The following HIVEP2 variants were observed in gnomAD, a reference collection of about 807,000 sequenced individuals.
The protein encoded by HIVEP2 is HIVEP zinc finger 2.
Under a neutral mutation model 180.7 loss-of-function variants are expected in HIVEP2, and 14 were observed. The observed-to-expected ratio is 0.08, with a 90% CI of 0.05 to 0.12. The LOEUF is 0.12. Ranked by LOEUF, HIVEP2 falls within the 10% of genes least tolerant of loss-of-function variation. HIVEP2 has a pLI of 1.00. For synonymous variants in HIVEP2, 1,184 were observed against 1,136.4 expected (o/e 1.04, Z -0.84); for missense variants, 2,579 against 3,008.5 (o/e 0.86, Z 3.34).
At chr6:142,908,756 A>T (rs151096148) in intron 1 of HIVEP2, among the ~76,000 whole-genome samples, 1 of 150,120 alleles carries the variant, frequency 6.7e-6, no homozygotes, top group African/African-American at 2.5e-5. Context: ...TCAAAAACAT[A>T]CTTTTCCCTA....
chr6:142,904,130 C>T (rs1024339401), intron 1 of HIVEP2, among the ~76,000 whole-genome samples: 3 of 152,130 alleles, frequency 2.0e-5, no homozygotes, highest in African/African-American at 7.2e-5. Flanking sequence ...GACTTAAAAA[C>T]CCAATTCAGC....
rs9373359 is a variant in HIVEP2, at chr6:142,756,803, A to G, written c.6517-2872T>C. 2.4e-3 allele frequency among the ~76,000 whole-genome samples: 261 copies of G among 108,396 alleles called. 2 individuals are homozygous for G. The highest frequency in any genetic ancestry group is 0.016 in the East Asian group (54 of 3,370). The allele number at this position is 108,396 out of a possible 152,430, so 71.1% of individuals were successfully genotyped here. Reference sequence around the variant, plus strand: ...TAAATGGATAAAAGATACCTTATCTATCTATCTATCTATCTATCTATCTAT... The same window carrying G: ...TAAATGGATAAAAGATACCTTATCTGTCTATCTATCTATCTATCTATCTAT... On this transcript the variant is annotated intron_variant, in intron 9 of 9. Coordinates refer to ENST00000367603, the MANE Select transcript of HIVEP2 (RefSeq NM_006734.4).
intron 1 of HIVEP2, among the ~76,000 whole-genome samples, chr6:142,936,820 C>G (rs1266056862): frequency 6.6e-6 from 1 of 150,882 alleles, no homozygotes; most frequent in Non-Finnish European, 1.5e-5. Flanking sequence ...TCCATGAAGG[C>G]AAGGAATTTT....
At position 142,859,459 on chromosome 6, in the gene HIVEP2, T is replaced by C. The variant is rs576782482; in HGVS notation, c.-640-22412A>G. The stretch of plus-strand genomic sequence containing the variant: ...CTGGGCAACAGAGCAAGACCCAGTC[T>C]CAAAAAAAAAAAAAGAAAGAAAGAA... On this transcript the variant is annotated intron_variant, in intron 1 of 9. Coordinates refer to ENST00000367603, the MANE Select transcript of HIVEP2 (RefSeq NM_006734.4). Among the ~76,000 whole-genome samples, 7 of 127,780 alleles carry C rather than the reference T, an allele frequency of 5.5e-5. No homozygotes were observed. The East Asian group carries it at 1.6e-3, about 29-fold the overall frequency. 83.8% of individuals were successfully genotyped at this position (127,780 alleles called of 152,430 possible).
At chr6:142,845,077 G>A (rs1159266347) in intron 1 of HIVEP2, among the ~76,000 whole-genome samples, 4 of 152,194 alleles carry the variant, frequency 2.6e-5, no homozygotes, top group South Asian at 2.1e-4. Flanking sequence ...ATGCTAGGTT[G>A]TCAAAAATGT....
intron 2 of HIVEP2, among the ~76,000 whole-genome samples, chr6:142,824,837 G>T (rs941625227): frequency 2.0e-5 from 3 of 152,118 alleles, no homozygotes; most frequent in African/African-American, 7.2e-5. Flanking sequence ...TGAGGGAGGG[G>T]TGGTTCTGCA....
At chr6:142,849,936 CT>C (rs1307499020) in intron 1 of HIVEP2, among the ~76,000 whole-genome samples, 1 of 152,076 alleles carries the variant, frequency 6.6e-6, no homozygotes, top group Non-Finnish European at 1.5e-5. Flanking sequence ...AGAGACAGGC[CT>C]ACTAAGCCAC....
At chr6:142,852,690 A>G (rs1183375633) in intron 1 of HIVEP2, among the ~76,000 whole-genome samples, 1 of 152,138 alleles carries the variant, frequency 6.6e-6, no homozygotes, top group Admixed American at 6.5e-5. Context: ...TGTTTTAGAG[A>G]TTTCTCCAAA....
intron 2 of HIVEP2, among the ~76,000 whole-genome samples, chr6:142,805,953 C>T (rs573299614): frequency 4.2e-4 from 64 of 152,284 alleles, no homozygotes; most frequent in African/African-American, 1.5e-3. Context: ...GAAATTGTGC[C>T]TAGAGGACAG....
At chr6:142,905,640 CT>C (rs1191857908) in intron 1 of HIVEP2, among the ~76,000 whole-genome samples, 2 of 152,148 alleles carry the variant, frequency 1.3e-5, no homozygotes, top group Non-Finnish European at 2.9e-5. Flanking sequence ...TCAGAAATTC[CT>C]GCATATAGTT....
At chr6:142,828,476 G>A (rs972234810) in intron 2 of HIVEP2, among the ~76,000 whole-genome samples, 3 of 151,286 alleles carry the variant, frequency 2.0e-5, no homozygotes, top group Non-Finnish European at 2.9e-5. Context: ...TCTTGCTCTC[G>A]CTTAGGCTGG....
Position 142,773,998 on chromosome 6 carries a change from T to C in HIVEP2, c.741A>G (p.Leu247=). 2 of 1,614,256 alleles carry C rather than the reference T, an allele frequency of 1.2e-6. No individual in the cohort carries two copies. The highest frequency in any genetic ancestry group is 8.5e-7 in the Non-Finnish European group (1 of 1,180,048). ...KSHAHAIKAG[L]VPFTESAVSK... is the part of the protein sequence containing the mutation. ...ATACAGCTGACTCTGTGAAAGGTAC[T>C]AATCCTGCCTTAATTGCATGGGCAT... Residue 247 remains leucine, a synonymous_variant, in exon 5 of 10, where the codon TTA becomes TTG. Transcript: ENST00000367603.
intron 8 of HIVEP2, 134 bp from the exon 9 acceptor site, chr6:142,760,801 A>G (rs1323030693): frequency 4.6e-6 from 3 of 647,056 alleles, no homozygotes; most frequent in Non-Finnish European, 7.8e-6. Context: ...GAGAACTCCT[A>G]TAAAATGAGG....
intron 2 of HIVEP2, among the ~76,000 whole-genome samples, chr6:142,825,132 G>C (rs1774847367): frequency 6.6e-6 from 1 of 152,168 alleles, no homozygotes; most frequent in Non-Finnish European, 1.5e-5. Flanking sequence ...TAGAAGCTTA[G>C]AGGAAGGATA....
At position 142,771,290 on chromosome 6, in the gene HIVEP2, G is replaced by T. The variant is rs1326401856; in HGVS notation, c.3449C>A (p.Pro1150Gln). 6.2e-7 allele frequency: 1 copy of T among 1,613,658 alleles called. No individual in the cohort carries two copies. The highest frequency in any genetic ancestry group is 8.5e-7 in the Non-Finnish European group (1 of 1,180,038). Residue 1150 changes from proline to glutamine, a missense_variant, in exon 5 of 10, where the codon CCA becomes CAA. Physicochemically the swap from Pro to Gln is moderately conservative, Grantham distance 76. Transcript: ENST00000367603. This position sits in a 1 kb window ranked among gnomAD's most constrained non-coding sequence, Gnocchi z 5.4. ...GATCTGTGGCTGGGCCAGGTGCAGTGGCCCCGAGCTCAGCGGGGGACAAGG... is the reference window on the plus strand; with the variant it reads ...GATCTGTGGCTGGGCCAGGTGCAGTTGCCCCGAGCTCAGCGGGGGACAAGG... Reference protein sequence around the residue: ...AGPCPPLSSGPLHLAQPQIMH... With the variant: ...AGPCPPLSSGQLHLAQPQIMH...
chr6:142,863,275 T>A (rs1213377401), intron 1 of HIVEP2, among the ~76,000 whole-genome samples: 1 of 151,554 alleles, frequency 6.6e-6, no homozygotes, highest in Non-Finnish European at 1.5e-5. Flanking sequence ...TAAAATAAAC[T>A]ACCAGTTATA....
intron 1 of HIVEP2, among the ~76,000 whole-genome samples, chr6:142,858,946 T>C (rs977795641): frequency 1.3e-5 from 2 of 152,174 alleles, no homozygotes; most frequent in Non-Finnish European, 2.9e-5. Context: ...TTTACTATAC[T>C]GCAGTTTGTT....
At chr6:142,790,577 A>G (rs1324397972) in intron 2 of HIVEP2, among the ~76,000 whole-genome samples, 2 of 152,218 alleles carry the variant, frequency 1.3e-5, no homozygotes, top group African/African-American at 2.4e-5. Context: ...ATCTTTTACA[A>G]TGCTTATGTT....
At chr6:142,893,014 A>G (rs767165490) in intron 1 of HIVEP2, among the ~76,000 whole-genome samples, 8 of 152,254 alleles carry the variant, frequency 5.3e-5, no homozygotes, top group Non-Finnish European at 8.8e-5. Context: ...TCTATGGGAA[A>G]GGTGAAGATT....
Sources: allele counts gnomAD v4.1 joint callset (sites outside exome capture counted in the v4.1 genomes callset), GRCh38; gene constraint gnomAD v4.1.1; non-coding constraint Gnocchi (gnomAD v3.1); transcripts MANE v1.5; gene names NCBI Gene and HGNC (gene_info 2026-07-23, HGNC 2026-07-21).